Variants in CMTM3 observed in about 807,000 individuals in gnomAD.
The protein encoded by CMTM3 is CKLF-like MARVEL transmembrane domain-containing protein 3.
CMTM3 carries 7 observed loss-of-function variants against 18.2 expected under a neutral mutation model. That is an observed-to-expected ratio of 0.38 (90% CI 0.22 to 0.72). The LOEUF (loss-of-function observed/expected upper bound fraction) is 0.72, where lower values mean the gene tolerates loss of function less well. Ranked by LOEUF, CMTM3 falls within the 30% of genes least tolerant of loss-of-function variation. The pLI is 0.46. For missense variants in CMTM3, 227 were observed against 249.2 expected, an observed-to-expected ratio of 0.91 and a Z score of 0.60; for synonymous variants, 109 against 111.2, an observed-to-expected ratio of 0.98 and a Z score of 0.12.
rs939399388 is a variant in CMTM3 at position 66,609,130 on chromosome 16, G to T, written c.304-305G>T. On this transcript the variant is annotated intron_variant, in intron 2 of 4. Transcript: ENST00000567572. The surrounding 1 kb of genome is among the most constrained non-coding windows in gnomAD (Gnocchi z 4.4). ...GGAGAGCGGGAAGGGAGCAGGTGGG[G>T]GTGTTTCCAACTTCTGCTTCCACCG... is the stretch of plus-strand genomic sequence containing the variant. Among the ~76,000 whole-genome samples, 21 of 152,330 alleles carry T rather than the reference G, an allele frequency of 1.4e-4. No homozygotes were observed. The highest frequency in any genetic ancestry group is 1.1e-3 in the Admixed American group (17 of 15,304).
chr16:66,610,357 C>T lies in CMTM3; in HGVS notation c.520+354C>T, dbSNP rs535969534. ...CCCCCAAACCCAGCCCCTCTGCTGT[C>T]TTACCCATCCAGGCCTGTCCTGGGA... On this transcript the variant is annotated intron_variant, in intron 4 of 4. Coordinates refer to ENST00000567572, the MANE Select transcript of CMTM3 (RefSeq NM_181553.4). This position sits in a 1 kb window ranked among gnomAD's most constrained non-coding sequence, Gnocchi z 4.6. Among the ~76,000 whole-genome samples, 22 of 152,290 alleles carry T rather than the reference C, an allele frequency of 1.4e-4. No homozygotes were observed. The highest frequency in any genetic ancestry group is 5.3e-4 in the African/African-American group (22 of 41,556).
At position 66,611,017 on chromosome 16, in the gene CMTM3, G is replaced by A. The variant is rs1021564373; in HGVS notation, c.520+1014G>A. On this transcript the variant is annotated intron_variant, in intron 4 of 4. Transcript: ENST00000567572. ...CAGTTGCCCGCAGCAAGTGATCCCA[G>A]ACAACCAGCCCAGGGACCAATTAGT... 6 of 397,804 alleles carry A rather than the reference G, an allele frequency of 1.5e-5. 1 individual carries two copies. In the South Asian group the frequency reaches 4.1e-4, roughly 27 times the overall value. The allele number at this position is 397,804 out of a possible 1,614,324, so 24.6% of individuals were successfully genotyped here.
rs2015231968 is a variant in CMTM3, at chr16:66,608,190, G to A, written c.148-119G>A. ...TGCCACTTCCCAGCTGCGGGACTGT[G>A]AGCAGTTGGCTTCCCCTGCTGGAAC... On this transcript the variant is annotated intron_variant, in intron 1 of 4. Transcript: ENST00000567572. The surrounding 1 kb of genome is among the most constrained non-coding windows in gnomAD (Gnocchi z 5.1). 4 of 1,059,680 alleles carry A rather than the reference G, an allele frequency of 3.8e-6. No individual in the cohort carries two copies. The African/African-American group carries it at 6.3e-5, about 17-fold the overall frequency. The allele number at this position is 1,059,680 out of a possible 1,614,324, so 65.6% of individuals were successfully genotyped here.
chr16:66,611,258 G>A (rs907457268), intron 4 of CMTM3, among the ~76,000 whole-genome samples: 3 of 152,140 alleles, frequency 2.0e-5, no homozygotes, highest in South Asian at 2.1e-4. Flanking sequence ...TTTGAGACCA[G>A]CCTGGCCAAC....
intron 1 of CMTM3, among the ~76,000 whole-genome samples, chr16:66,606,536 T>G (rs772990272): frequency 1.2e-4 from 19 of 152,140 alleles, no homozygotes; most frequent in Non-Finnish European, 1.5e-4. Context: ...AGTTCATTTG[T>G]CTGAAGCAGC....
rs1393948728 is a variant in CMTM3 at position 66,613,804 on chromosome 16, AG to A, written c.*1169del. The A allele has an allele frequency of 1.3e-5, 2 of 152,248 alleles. No individual in the cohort carries two copies. Among genetic ancestry groups the A allele is most frequent in the Non-Finnish European group, 2.9e-5 (2 of 68,052 alleles). 9.4% of individuals were successfully genotyped at this position (152,248 alleles called of 1,614,324 possible). On this transcript the variant is annotated 3_prime_UTR_variant, in exon 5 of 5. Coordinates refer to ENST00000567572, the MANE Select transcript of CMTM3 (RefSeq NM_181553.4). ...GAGCAATACTGTTGGGTATTGTATC[AG>A]GCTTCAGTACAAACTGGTAACACCA...
Position 66,612,495 on chromosome 16 carries a change from AG to A in CMTM3, c.521-112del. 9.5e-7 allele frequency: 1 copy of A among 1,047,200 alleles called. No individual in the cohort carries two copies. The highest frequency in any genetic ancestry group is 1.4e-6 in the Non-Finnish European group (1 of 697,306). 64.9% of individuals were successfully genotyped at this position (1,047,200 alleles called of 1,614,324 possible). On this transcript the variant is annotated intron_variant, in intron 4 of 4. Coordinates refer to ENST00000567572, the MANE Select transcript of CMTM3 (RefSeq NM_181553.4). This position sits in a 1 kb window ranked among gnomAD's most constrained non-coding sequence, Gnocchi z 6.0. ...CACTGGGAACGGTAGAGTCAGCTGC[AG>A]GAGGCCTGCACCCAGGCTCCTGCCA...
In CMTM3 at chr16:66,604,887, C is replaced by T. The variant is rs1293115978; in HGVS notation, c.82C>T (p.Arg28Cys). Residue 28 changes from arginine (R) to cysteine (C), a missense_variant, in exon 1 of 5, where the codon CGC becomes TGC. Coordinates refer to ENST00000567572, the MANE Select transcript of CMTM3 (RefSeq NM_181553.4). ...SRPGPAVPGLRALLPARAFLC... is the reference protein window; with the variant it reads ...SRPGPAVPGLCALLPARAFLC... ...TCCCGGCCCCGCGGTCCCCGGGCTC[C>T]GCGCCCTGCTGCCGGCGCGGGCTTT... 4 of 1,435,476 alleles carry T rather than the reference C, an allele frequency of 2.8e-6. No homozygotes were observed. The highest frequency in any genetic ancestry group is 3.6e-6 in the Non-Finnish European group (4 of 1,099,128). 88.9% of individuals were successfully genotyped at this position (1,435,476 alleles called of 1,614,324 possible). A position where few individuals can be genotyped will look rare whatever the true frequency, so the allele number is the denominator to read the frequency against.
rs1479295016 is a variant in CMTM3, at chr16:66,605,047, C to T, written c.147+95C>T. Reference sequence around the variant, plus strand: ...CGCGGGTGGGGTCCGGGGGCGGCCGCCGTGCTCCGATACCCCCTCTCCGCG... The same window carrying T: ...CGCGGGTGGGGTCCGGGGGCGGCCGTCGTGCTCCGATACCCCCTCTCCGCG... On this transcript the variant is annotated intron_variant, in intron 1 of 4. Transcript: ENST00000567572. The surrounding 1 kb of genome is among the most constrained non-coding windows in gnomAD (Gnocchi z 4.6). The T allele has an allele frequency of 3.7e-5, 43 of 1,173,902 alleles. No individual in the cohort carries two copies. The Admixed American group carries it at 7.6e-4, about 21-fold the overall frequency. The allele number at this position is 1,173,902 out of a possible 1,614,324, so 72.7% of individuals were successfully genotyped here.
Position 66,610,783 on chromosome 16 carries a change from C to A in CMTM3, c.520+780C>A. On this transcript the variant is annotated intron_variant, in intron 4 of 4. Transcript: ENST00000567572. This position sits in a 1 kb window ranked among gnomAD's most constrained non-coding sequence, Gnocchi z 4.6. ...TCTGGAAGGGCCTGCAGGCCCCACC[C>A]TGTGGTTGGGATCTTCCCTAGGCAG... The A allele has an allele frequency of 2.5e-6, 1 of 398,682 alleles. No individual in the cohort carries two copies. Among genetic ancestry groups the A allele is most frequent in the South Asian group, 1.3e-4 (1 of 7,860 alleles). The allele number at this position is 398,682 out of a possible 1,614,324, so 24.7% of individuals were successfully genotyped here.
At chr16:66,606,867 C>A (rs2144736092) in intron 1 of CMTM3, among the ~76,000 whole-genome samples, 1 of 152,304 alleles carries the variant, frequency 6.6e-6, no homozygotes, top group Admixed American at 6.5e-5. Flanking sequence ...GTGGCGGGCG[C>A]CTGTAATCCC....
At chr16:66,607,954 T>C (rs1473022732) in intron 1 of CMTM3, among the ~76,000 whole-genome samples, 1 of 151,806 alleles carries the variant, frequency 6.6e-6, no homozygotes, top group Non-Finnish European at 1.5e-5. Context: ...CAGGTGATCC[T>C]CCCACCTCAG....
chr16:66,609,346 G>A lies in CMTM3; in HGVS notation c.304-89G>A. The A allele has an allele frequency of 8.6e-7, 1 of 1,162,366 alleles. No homozygotes were observed. 72.0% of individuals were successfully genotyped at this position (1,162,366 alleles called of 1,614,324 possible). A position where few individuals can be genotyped will look rare whatever the true frequency, so the allele number is the denominator to read the frequency against. On this transcript the variant is annotated intron_variant, in intron 2 of 4. Coordinates refer to ENST00000567572, the MANE Select transcript of CMTM3 (RefSeq NM_181553.4). This position sits in a 1 kb window ranked among gnomAD's most constrained non-coding sequence, Gnocchi z 4.4. The stretch of plus-strand genomic sequence containing the variant: ...TAGGAGCCCTCAGGTGCTAGGCCTG[G>A]GGCTGGGAACACGACCAGGCTGCCA...
rs2015406539 is a variant in CMTM3, at chr16:66,612,307, G to A, written c.521-302G>A. ...TATAATCCCAGCTACTCGGGAGGGA[G>A]GAAGTTGCAGTGAGTCGAGATCCCG... On this transcript the variant is annotated intron_variant, in intron 4 of 4. Transcript: ENST00000567572. This position sits in a 1 kb window ranked among gnomAD's most constrained non-coding sequence, Gnocchi z 6.0. 2.0e-5 allele frequency among the ~76,000 whole-genome samples: 3 copies of A among 152,140 alleles called. No homozygotes were observed. Among genetic ancestry groups the A allele is most frequent in the African/African-American group, 7.2e-5 (3 of 41,436 alleles).
intron 1 of CMTM3, among the ~76,000 whole-genome samples, chr16:66,606,108 T>G (rs2015141413): frequency 6.6e-6 from 1 of 151,272 alleles, no homozygotes; most frequent in Non-Finnish European, 1.5e-5. Context: ...GCCCAGCAGA[T>G]GTCAGGAATC....
rs1597207423 is a variant in CMTM3 at position 66,608,223 on chromosome 16, A to G, written c.148-86A>G. ...GGCTTCCCCTGCTGGAACCTCCTCTATCCTGACCACAGGGCCTGGCTCAGA... is the reference window on the plus strand; with the variant it reads ...GGCTTCCCCTGCTGGAACCTCCTCTGTCCTGACCACAGGGCCTGGCTCAGA... On this transcript the variant is annotated intron_variant, in intron 1 of 4. Transcript: ENST00000567572. This position sits in a 1 kb window ranked among gnomAD's most constrained non-coding sequence, Gnocchi z 5.1. The G allele has an allele frequency of 4.0e-6, 6 of 1,493,716 alleles. No homozygotes were observed. Among genetic ancestry groups the G allele is most frequent in the East Asian group, 2.3e-5 (1 of 44,274 alleles). The allele number at this position is 1,493,716 out of a possible 1,614,324, so 92.5% of individuals were successfully genotyped here.
Position 66,613,228 on chromosome 16 carries a change from C to A in CMTM3, c.*591C>A. 1.5e-6 allele frequency: 1 copy of A among 680,190 alleles called. No individual in the cohort carries two copies. Among genetic ancestry groups the A allele is most frequent in the South Asian group, 1.6e-5 (1 of 64,270 alleles). 42.1% of individuals were successfully genotyped at this position (680,190 alleles called of 1,614,324 possible). A position where few individuals can be genotyped will look rare whatever the true frequency, so the allele number is the denominator to read the frequency against. ...TCGCCCAGGAAGTGGGGCTCGGCAC[C>A]CATAACTAACACCTCCCACCCTTGG... On this transcript the variant is annotated 3_prime_UTR_variant, in exon 5 of 5. Coordinates refer to ENST00000567572, the MANE Select transcript of CMTM3 (RefSeq NM_181553.4).
Position 66,604,730 on chromosome 16 carries a change from G to A in CMTM3, c.-76G>A, listed in dbSNP as rs1367447570. ...GTGTCGCCTGCCCTCCTTCCGCACA[G>A]CCCGGGTTTCCGCTTCCCTCCGGGC... On this transcript the variant is annotated 5_prime_UTR_variant, in exon 1 of 5. Transcript: ENST00000567572. The A allele has an allele frequency of 7.1e-6, 8 of 1,134,164 alleles. No individual in the cohort carries two copies. Among genetic ancestry groups the A allele is most frequent in the Non-Finnish European group, 8.8e-6 (8 of 905,192 alleles). The allele number at this position is 1,134,164 out of a possible 1,614,324, so 70.3% of individuals were successfully genotyped here.
In CMTM3 at chr16:66,610,213, G is replaced by C. The variant is rs995696972; in HGVS notation, c.520+210G>C. The stretch of plus-strand genomic sequence containing the variant: ...TGCACCCTCACCCCAGCCTTTCTAG[G>C]AGGGGCAAGCAGTGGGCATGGCTGA... On this transcript the variant is annotated intron_variant, in intron 4 of 4. Transcript: ENST00000567572. The surrounding 1 kb of genome is among the most constrained non-coding windows in gnomAD (Gnocchi z 4.6). Among the ~76,000 whole-genome samples the C allele has an allele frequency of 6.6e-6, 1 of 152,174 alleles. No individual in the cohort carries two copies. Among genetic ancestry groups the C allele is most frequent in the Non-Finnish European group, 1.5e-5 (1 of 68,030 alleles).
Sources: allele counts gnomAD v4.1 joint callset (sites outside exome capture counted in the v4.1 genomes callset), GRCh38; gene constraint gnomAD v4.1.1; non-coding constraint Gnocchi (gnomAD v3.1); transcripts MANE v1.5; gene names NCBI Gene and HGNC (gene_info 2026-07-23, HGNC 2026-07-21).